Variants in SRGAP2B observed in about 807,000 individuals in gnomAD.
SRGAP2B encodes the protein SLIT-ROBO Rho GTPase-activating protein 2B.
SRGAP2B carries 9 observed loss-of-function variants against 22.2 expected under a neutral mutation model. The observed-to-expected ratio is 0.41, with a 90% confidence interval of 0.24 to 0.71. The LOEUF (loss-of-function observed/expected upper bound fraction) is 0.71, where lower values mean the gene tolerates loss of function less well. SRGAP2B is among the 30% of genes least tolerant of loss of function. The probability of loss-of-function intolerance (pLI) is 0.35; values close to 1 mark genes in which losing one functional copy is unlikely to be tolerated. For synonymous variants in SRGAP2B, 36 were observed against 87.4 expected, an observed-to-expected ratio of 0.41 and a Z score of 3.28; for missense variants, 114 against 235.8, an observed-to-expected ratio of 0.48 and a Z score of 3.38.
chr1:144,990,751 C>A (rs1179207129), intron 3 of SRGAP2B, among the ~76,000 whole-genome samples: 1 of 151,234 alleles, frequency 6.6e-6, no homozygotes, highest in Non-Finnish European at 1.5e-5. Context: ...GAGCAGCCGG[C>A]CAGCCCTGCT....
chr1:145,011,605 T>C (rs1264725674), intron 2 of SRGAP2B, among the ~76,000 whole-genome samples: 1 of 148,808 alleles, frequency 6.7e-6, no homozygotes, highest in East Asian at 2.0e-4. Flanking sequence ...GCCACAAATC[T>C]TCAGAGTTAT....
chr1:144,976,764 G>A (rs1345339944), intron 3 of SRGAP2B, among the ~76,000 whole-genome samples: 1 of 95,892 alleles, frequency 1.0e-5, no homozygotes, highest in Non-Finnish European at 1.9e-5. Context: ...GATGGTAAAG[G>A]ATTATAACCT....
chr1:144,915,661 G>A (rs1201661352), intron 4 of SRGAP2B, among the ~76,000 whole-genome samples: 2 of 151,270 alleles, frequency 1.3e-5, no homozygotes, highest in Non-Finnish European at 2.9e-5. Flanking sequence ...AGAAGGTGGA[G>A]GTTGCAGTGA....
At chr1:144,993,143 T>A (rs1553617735) in intron 3 of SRGAP2B, among the ~76,000 whole-genome samples, 2 of 151,104 alleles carry the variant, frequency 1.3e-5, no homozygotes, top group African/African-American at 4.9e-5. Flanking sequence ...GTGAATGTTC[T>A]GTTTGGCTCG....
chr1:144,908,779 G>GAT (rs1427390260), intron 5 of SRGAP2B, among the ~76,000 whole-genome samples: 3 of 135,102 alleles, frequency 2.2e-5, no homozygotes, highest in Admixed American at 1.5e-4. Context: ...ATAGGACTTA[G>GAT]ATATATATAT....
At chr1:144,950,710 G>A (rs1666791045) in intron 4 of SRGAP2B, among the ~76,000 whole-genome samples, 1 of 148,324 alleles carries the variant, frequency 6.7e-6, no homozygotes, top group Admixed American at 6.7e-5. Context: ...CAATGAAACA[G>A]AGAAAATCCA....
chr1:144,973,994 C>A (rs587700994), intron 3 of SRGAP2B, among the ~76,000 whole-genome samples: 4,278 of 150,452 alleles, frequency 0.028, 436 homozygotes, highest in African/African-American at 0.1. Context: ...GAGGCCCCAG[C>A]CTTACCTTCT....
intron 4 of SRGAP2B, chr1:144,917,973 C>A (rs587674815): frequency 1.1e-4 from 7 of 62,444 alleles, no homozygotes; most frequent in Non-Finnish European, 2.1e-4. Context: ...GGGCCCCACC[C>A]AAAGACAAGG....
chr1:144,905,673 C>T (rs1421219809), intron 6 of SRGAP2B, among the ~76,000 whole-genome samples, 186 bp downstream of exon 6: 1 of 149,724 alleles, frequency 6.7e-6, no homozygotes, highest in Non-Finnish European at 1.5e-5. Flanking sequence ...AACCCACGTG[C>T]CCAGTTCTTC....
chr1:144,969,599 C>T (rs587762894), intron 3 of SRGAP2B, among the ~76,000 whole-genome samples: 1 of 147,734 alleles, frequency 6.8e-6, no homozygotes, highest in Admixed American at 6.7e-5. Flanking sequence ...GACTTCATGT[C>T]CAAAACACCA....
intron 2 of SRGAP2B, among the ~76,000 whole-genome samples, chr1:145,080,124 A>G (rs1255172309): frequency 6.7e-6 from 1 of 149,794 alleles, no homozygotes; most frequent in Non-Finnish European, 1.5e-5. Context: ...ACCTACCAAC[A>G]TGGATGGGGA....
chr1:145,022,684 G>C (rs1647276686), intron 2 of SRGAP2B, among the ~76,000 whole-genome samples: 1 of 150,572 alleles, frequency 6.6e-6, no homozygotes, highest in Non-Finnish European at 1.5e-5. Flanking sequence ...TAAACAATCA[G>C]TCTAACACCC....
intron 4 of SRGAP2B, among the ~76,000 whole-genome samples, chr1:144,936,947 C>T (rs1769133): frequency 1.8e-4 from 19 of 108,320 alleles, no homozygotes; most frequent in African/African-American, 6.5e-4. Flanking sequence ...ACAATGACTA[C>T]AAAATTAAAT....
At chr1:145,022,561 G>T in intron 2 of SRGAP2B, among the ~76,000 whole-genome samples, 1 of 146,932 alleles carries the variant, frequency 6.8e-6, no homozygotes, top group Middle Eastern at 3.5e-3. Flanking sequence ...AGTGACCAAA[G>T]GGAACATCTG....
At chr1:144,987,136 T>C (rs1443715913) in intron 3 of SRGAP2B, among the ~76,000 whole-genome samples, 6 of 152,166 alleles carry the variant, frequency 3.9e-5, no homozygotes, top group African/African-American at 4.8e-5. Flanking sequence ...TTTGTGCACC[T>C]GTGGCACTCT....
At chr1:144,974,541 AAAGGGGATTCT>A (rs1668760952) in intron 3 of SRGAP2B, among the ~76,000 whole-genome samples, 1 of 149,814 alleles carries the variant, frequency 6.7e-6, no homozygotes, top group South Asian at 2.1e-4. Flanking sequence ...TGGGGCAGAG[AAAGGGGATTCT>A]GGAAGCCATT....
At position 145,006,852 on chromosome 1, in the gene SRGAP2B, C is replaced by T. The variant is rs587749127; in HGVS notation, c.68-11652G>A. Among the ~76,000 whole-genome samples the T allele has an allele frequency of 7.9e-3, 1,188 of 150,764 alleles. 29 individuals carry two copies. The highest frequency in any genetic ancestry group is 0.012 in the Non-Finnish European group (817 of 67,946). On this transcript the variant is annotated intron_variant, in intron 2 of 9. Transcript: ENST00000612199. ...AAGTATAAAGGTATCTCACTTAATC[C>T]TCAAAACACCCCAGGGAGATTAGTT...
chr1:144,904,181 C>G (rs1218418225), intron 7 of SRGAP2B, among the ~76,000 whole-genome samples: 1 of 150,292 alleles, frequency 6.7e-6, no homozygotes, highest in Non-Finnish European at 1.5e-5. Context: ...TGCGCATAAC[C>G]TTGGACAAGT....
intron 4 of SRGAP2B, among the ~76,000 whole-genome samples, chr1:144,941,055 C>T (rs1666001853): frequency 1.3e-5 from 2 of 148,692 alleles, no homozygotes; most frequent in South Asian, 4.2e-4. Context: ...AAATGTTAAT[C>T]ATGATTCCAA....
Sources: gnomAD v4.1 joint callset for allele counts (sites outside exome capture counted in the v4.1 genomes callset) on GRCh38, gnomAD v4.1.1 for gene constraint, MANE v1.5 for transcripts, NCBI Gene and HGNC (gene_info 2026-07-23, HGNC 2026-07-21) for gene names.